Variants in RNF11 observed in about 807,000 individuals in gnomAD.
The protein encoded by RNF11 is ring finger protein 11.
RNF11 carries 4 observed loss-of-function variants against 15.8 expected under a neutral mutation model. The observed-to-expected ratio is 0.25, with a 90% CI of 0.12 to 0.58. The LOEUF (loss-of-function observed/expected upper bound fraction) is 0.58, where lower values mean the gene tolerates loss of function less well. Among genes scored for constraint, RNF11 ranks in the 20% least tolerant of loss-of-function variants. RNF11 has a pLI of 0.91. For missense variants in RNF11, 139 were observed against 194.4 expected, an observed-to-expected ratio of 0.71 and a Z score of 1.70; for synonymous variants, 68 against 72.3, an observed-to-expected ratio of 0.94 and a Z score of 0.30.
Position 51,273,283 on chromosome 1 carries a change from T to G in RNF11, c.*1961T>G, listed in dbSNP as rs1646988728. The G allele has an allele frequency of 6.6e-6, 1 of 152,180 alleles. No homozygotes were observed. The highest frequency in any genetic ancestry group is 1.5e-5 in the Non-Finnish European group (1 of 67,994). 9.4% of individuals were successfully genotyped at this position (152,180 alleles called of 1,614,324 possible). A position where few individuals can be genotyped will look rare whatever the true frequency, so the allele number is the denominator to read the frequency against. On this transcript the variant is annotated 3_prime_UTR_variant, in exon 3 of 3. Coordinates refer to ENST00000242719, the MANE Select transcript of RNF11 (RefSeq NM_014372.5). Reference sequence around the variant, plus strand: ...CTTCCATGTTGCAGTTAGTCTTTCTTTTCATTACAAGTCTTTCACAGAAGT... The same window carrying G: ...CTTCCATGTTGCAGTTAGTCTTTCTGTTCATTACAAGTCTTTCACAGAAGT...
chr1:51,238,310 G>A (rs1441204256), intron 1 of RNF11, among the ~76,000 whole-genome samples: 3 of 152,106 alleles, frequency 2.0e-5, no homozygotes, highest in African/African-American at 2.4e-5. Context: ...ACACTTTAGT[G>A]TTGTATCTTT....
At chr1:51,250,881 C>A (rs1186615277) in intron 1 of RNF11, 11 of 1,058,708 alleles carry the variant, frequency 1.0e-5, no homozygotes, top group Non-Finnish European at 1.4e-5. Context: ...GCCAGTGCCC[C>A]TGGGTACAGG....
At chr1:51,268,156 T>G (rs960485439) in intron 1 of RNF11, among the ~76,000 whole-genome samples, 3 of 152,244 alleles carry the variant, frequency 2.0e-5, no homozygotes, top group Admixed American at 2.0e-4. Flanking sequence ...TGTCTAGTTA[T>G]GAAACAATTG....
At chr1:51,245,854 C>T (rs536807582) in intron 1 of RNF11, among the ~76,000 whole-genome samples, 1 of 152,188 alleles carries the variant, frequency 6.6e-6, no homozygotes, top group Non-Finnish European at 1.5e-5. Context: ...TATTTGCAAA[C>T]GACTTGAGGC....
chr1:51,241,535 T>G (rs542898965), intron 1 of RNF11, among the ~76,000 whole-genome samples: 2 of 152,266 alleles, frequency 1.3e-5, no homozygotes, highest in African/African-American at 2.4e-5. Flanking sequence ...GATTTAGGGG[T>G]TTTTACCGTG....
intron 1 of RNF11, among the ~76,000 whole-genome samples, chr1:51,251,981 A>C (rs1285718560): frequency 6.8e-6 from 1 of 147,990 alleles, no homozygotes; most frequent in African/African-American, 2.5e-5. Flanking sequence ...CAGGAGGCTG[A>C]GGCAAGAGAA....
Position 51,271,374 on chromosome 1 carries a change from T to C in RNF11, c.*52T>C. 1 of 1,474,988 alleles carries C rather than the reference T, an allele frequency of 6.8e-7. No homozygotes were observed. The highest frequency in any genetic ancestry group is 9.2e-7 in the Non-Finnish European group (1 of 1,081,502). The allele number at this position is 1,474,988 out of a possible 1,614,324, so 91.4% of individuals were successfully genotyped here. On this transcript the variant is annotated 3_prime_UTR_variant, in exon 3 of 3. Transcript: ENST00000242719. The stretch of plus-strand genomic sequence containing the variant: ...TGAACCACCATTTTGGTGGTTTTGA[T>C]CTTTTGTCACTGAGCCCAAAGAGCC...
intron 1 of RNF11, among the ~76,000 whole-genome samples, chr1:51,245,037 A>G (rs1334628712): frequency 6.6e-6 from 1 of 152,208 alleles, no homozygotes; most frequent in Non-Finnish European, 1.5e-5. Context: ...TAAAAGTTTT[A>G]ATAGAAATAC....
chr1:51,241,082 G>T (rs1302535320), intron 1 of RNF11, among the ~76,000 whole-genome samples: 1 of 152,138 alleles, frequency 6.6e-6, no homozygotes, highest in Non-Finnish European at 1.5e-5. Context: ...CTTCCAGAGT[G>T]CTGGGATTAC....
At chr1:51,237,424 G>GTATATATATATATATGTGTATATATATA (rs914510652) in intron 1 of RNF11, among the ~76,000 whole-genome samples, 2 of 135,898 alleles carry the variant, frequency 1.5e-5, no homozygotes, top group Non-Finnish European at 3.1e-5. Flanking sequence ...GTGTGTGTGT[G>GTATATATATATATATGTGTATATATATA]TATATATATA....
chr1:51,269,085 G>A lies in RNF11; in HGVS notation c.124-871G>A, dbSNP rs1455690882. On this transcript the variant is annotated intron_variant, in intron 1 of 2. Transcript: ENST00000242719. ...CACAGTAAGTAGCCGAGCTGAGACT[G>A]AAATCTTATAATTTAATTCTTCAGA... is the stretch of plus-strand genomic sequence containing the variant. Among the ~76,000 whole-genome samples the A allele has an allele frequency of 5.3e-5, 8 of 152,220 alleles. No individual in the cohort carries two copies. In the South Asian group the frequency reaches 1.7e-3, roughly 31 times the overall value.
At chr1:51,269,259 G>A (rs1432044442) in intron 1 of RNF11, among the ~76,000 whole-genome samples, 2 of 152,120 alleles carry the variant, frequency 1.3e-5, no homozygotes, top group Admixed American at 6.5e-5. Context: ...TTCCATCAGA[G>A]TTGCTCAGTT....
At chr1:51,237,430 A>G (rs1014150272) in intron 1 of RNF11, among the ~76,000 whole-genome samples, 1 of 140,504 alleles carries the variant, frequency 7.1e-6, no homozygotes, top group African/African-American at 2.6e-5. Flanking sequence ...GTGTGTATAT[A>G]TATATATATG....
At chr1:51,261,905 C>G (rs1646932255) in intron 1 of RNF11, among the ~76,000 whole-genome samples, 1 of 152,034 alleles carries the variant, frequency 6.6e-6, no homozygotes, top group African/African-American at 2.4e-5. Flanking sequence ...TGGCTCATGC[C>G]TGTAATCCCA....
At chr1:51,250,908 G>T (rs550587517) in intron 1 of RNF11, 26 of 1,062,646 alleles carry the variant, frequency 2.4e-5, no homozygotes, top group Non-Finnish European at 3.5e-5. Context: ...GTGCACCAGT[G>T]CAGAGCCGCA....
rs185914094 is a variant in RNF11 at position 51,249,972 on chromosome 1, A to T, written c.123+13093A>T. Among the ~76,000 whole-genome samples, 58 of 152,342 alleles carry T rather than the reference A, an allele frequency of 3.8e-4. 2 individuals carry two copies. In the East Asian group the frequency reaches 0.011, roughly 28 times the overall value. On this transcript the variant is annotated intron_variant, in intron 1 of 2. Coordinates refer to ENST00000242719, the MANE Select transcript of RNF11 (RefSeq NM_014372.5). ...AACGTTTTGCTGTATTTGCTTTCAC[A>T]CATACCTATTCGTCGTTCTTCTGTC...
rs201557519 is a variant in RNF11, at chr1:51,257,848, C to CTTTTTT, written c.124-12104_124-12103insTTTTTT. On this transcript the variant is annotated intron_variant, in intron 1 of 2. Coordinates refer to ENST00000242719, the MANE Select transcript of RNF11 (RefSeq NM_014372.5). ...TTTCTCTTCTTATTTCTTTTCTTTT[C>CTTTTTT]TTTTCTTTTTTTTTTTTTTTTTTGA... Among the ~76,000 whole-genome samples the CTTTTTT allele has an allele frequency of 2.9e-3, 242 of 84,890 alleles. 7 individuals carry two copies. The highest frequency in any genetic ancestry group is 3.9e-3 in the South Asian group (10 of 2,574). The allele number at this position is 84,890 out of a possible 152,430, so 55.7% of individuals were successfully genotyped here.
rs1296259929 is a variant in RNF11 at position 51,239,360 on chromosome 1, G to GT, written c.123+2487dup. Among the ~76,000 whole-genome samples, 6 of 152,290 alleles carry GT rather than the reference G, an allele frequency of 3.9e-5. No individual in the cohort carries two copies. In the East Asian group the frequency reaches 1.2e-3, roughly 29 times the overall value. ...AAATGTTATATTTTTGACAGTGGGAGTTTTTTATGGTTGCAGTTTCCTGAA... is the reference window on the plus strand; with the variant it reads ...AAATGTTATATTTTTGACAGTGGGAGTTTTTTTATGGTTGCAGTTTCCTGAA... On this transcript the variant is annotated intron_variant, in intron 1 of 2. Coordinates refer to ENST00000242719, the MANE Select transcript of RNF11 (RefSeq NM_014372.5).
intron 1 of RNF11, among the ~76,000 whole-genome samples, chr1:51,263,010 A>G (rs972327172): frequency 1.3e-5 from 2 of 152,108 alleles, no homozygotes; most frequent in Non-Finnish European, 2.9e-5. Context: ...GGAACATTCT[A>G]TTTCCCTTTT....
Sources: allele counts gnomAD v4.1 joint callset (sites outside exome capture counted in the v4.1 genomes callset), GRCh38; gene constraint gnomAD v4.1.1; transcripts MANE v1.5; gene names NCBI Gene and HGNC (gene_info 2026-07-23, HGNC 2026-07-21).